The following GRM3 variants were observed in gnomAD, a reference collection of about 807,000 sequenced individuals.
GRM3 encodes metabotropic glutamate receptor 3.
Under a neutral mutation model 70.5 loss-of-function variants are expected in GRM3, and 26 were observed. The ratio of observed to expected loss-of-function variants is 0.37; its 90% CI spans 0.27 to 0.51. GRM3 has a LOEUF of 0.51. Ranked by LOEUF, GRM3 falls within the 20% of genes least tolerant of loss-of-function variation. The probability of loss-of-function intolerance (pLI) is 0.93; values close to 1 mark genes in which losing one functional copy is unlikely to be tolerated. For missense variants in GRM3, 859 were observed against 1,123.8 expected (o/e 0.76, Z 3.37); for synonymous variants, 443 against 434.9 (o/e 1.02, Z -0.23).
At chr7:86,685,795 A>G (rs1439633161) in intron 1 of GRM3, among the ~76,000 whole-genome samples, 2 of 151,410 alleles carry the variant, frequency 1.3e-5, no homozygotes, top group Non-Finnish European at 2.9e-5. Context: ...AGTCCAAGCT[A>G]CTCACAAGGC....
chr7:86,677,121 T>C (rs906511436), intron 1 of GRM3, among the ~76,000 whole-genome samples: 1 of 152,008 alleles, frequency 6.6e-6, no homozygotes, highest in African/African-American at 2.4e-5. Flanking sequence ...TCTATCTACC[T>C]GCTTTATTAT....
intron 1 of GRM3, among the ~76,000 whole-genome samples, chr7:86,691,435 G>T (rs567157970): frequency 6.6e-6 from 1 of 152,210 alleles, no homozygotes; most frequent in East Asian, 1.9e-4. Context: ...TGTCAAAAAT[G>T]TTTAACTCAT....
intron 5 of GRM3, among the ~76,000 whole-genome samples, chr7:86,861,914 C>G (rs914835381): frequency 6.6e-6 from 1 of 152,124 alleles, no homozygotes; most frequent in South Asian, 2.1e-4. Context: ...GCAGCTCTTG[C>G]AATGATCAGG....
intron 1 of GRM3, among the ~76,000 whole-genome samples, chr7:86,646,330 T>C (rs1489797689): frequency 6.6e-6 from 1 of 152,204 alleles, no homozygotes; most frequent in African/African-American, 2.4e-5. Context: ...GGTAGTGTTT[T>C]ATATTTACAA....
At chr7:86,688,281 A>G (rs1252780529) in intron 1 of GRM3, among the ~76,000 whole-genome samples, 2 of 151,782 alleles carry the variant, frequency 1.3e-5, no homozygotes, top group African/African-American at 4.8e-5. Flanking sequence ...GTATGAATAC[A>G]TAGTTAAAAA....
intron 3 of GRM3, among the ~76,000 whole-genome samples, chr7:86,822,361 A>T (rs1273130046): frequency 6.6e-6 from 1 of 152,170 alleles, no homozygotes; most frequent in Non-Finnish European, 1.5e-5. Context: ...TGTGAGAGAA[A>T]GATAGTAAAT....
intron 1 of GRM3, among the ~76,000 whole-genome samples, chr7:86,760,560 G>A (rs1454730414): frequency 6.6e-6 from 1 of 152,102 alleles, no homozygotes; most frequent in African/African-American, 2.4e-5. Context: ...CGGAAAAGAG[G>A]TGGTTGGTGC....
At chr7:86,796,930 A>G (rs1487184726) in intron 3 of GRM3, among the ~76,000 whole-genome samples, 2 of 152,170 alleles carry the variant, frequency 1.3e-5, no homozygotes, top group African/African-American at 4.8e-5. Flanking sequence ...GTTTTATAAA[A>G]GGGCAGATCC....
chr7:86,808,306 G>A (rs1797838097), intron 3 of GRM3, among the ~76,000 whole-genome samples: 1 of 152,090 alleles, frequency 6.6e-6, no homozygotes, highest in Non-Finnish European at 1.5e-5. Flanking sequence ...GATTGGAATA[G>A]TTTCAGAAGA....
At chr7:86,708,586 G>T (rs1795112402) in intron 1 of GRM3, among the ~76,000 whole-genome samples, 1 of 152,076 alleles carries the variant, frequency 6.6e-6, no homozygotes, top group Admixed American at 6.6e-5. Flanking sequence ...TCTGGCAAAG[G>T]ATCAGAGGGG....
At chr7:86,788,246 A>T (rs558213910) in intron 3 of GRM3, among the ~76,000 whole-genome samples, 1 of 152,278 alleles carries the variant, frequency 6.6e-6, no homozygotes, top group Admixed American at 6.5e-5. Context: ...CTCCCTTATA[A>T]GTGGTCACTC....
intron 1 of GRM3, among the ~76,000 whole-genome samples, chr7:86,659,889 G>A (rs1369460016): frequency 6.6e-6 from 1 of 152,026 alleles, no homozygotes; most frequent in Admixed American, 6.6e-5. Context: ...TAAAAGAGAA[G>A]AGGGTGAATT....
intron 1 of GRM3, among the ~76,000 whole-genome samples, chr7:86,654,349 ATTT>A (rs1793680206): frequency 6.6e-6 from 1 of 152,156 alleles, no homozygotes; most frequent in Admixed American, 6.5e-5. Context: ...AATGGTTTGA[ATTT>A]TTTAAGACTC....
chr7:86,825,371 C>T (rs1053100451), intron 3 of GRM3, among the ~76,000 whole-genome samples: 7 of 152,262 alleles, frequency 4.6e-5, no homozygotes, highest in Middle Eastern at 3.4e-3. Context: ...TTCTTAACGA[C>T]GTGTGGATAT....
chr7:86,773,162 C>T (rs558663322), intron 2 of GRM3, among the ~76,000 whole-genome samples: 4 of 152,022 alleles, frequency 2.6e-5, no homozygotes, highest in East Asian at 1.9e-4. Context: ...TACCTTCTCC[C>T]CCTATTAGTT....
intron 3 of GRM3, among the ~76,000 whole-genome samples, chr7:86,801,238 T>C (rs1210468393): frequency 6.6e-6 from 1 of 151,836 alleles, no homozygotes; most frequent in Non-Finnish European, 1.5e-5. Context: ...GCCCAGCAAA[T>C]TTTTGTATTT....
chr7:86,670,301 C>T (rs1794138686), intron 1 of GRM3, among the ~76,000 whole-genome samples: 1 of 152,192 alleles, frequency 6.6e-6, no homozygotes, highest in African/African-American at 2.4e-5. Context: ...TAAACTCAGT[C>T]AGGAATCTTT....
intron 1 of GRM3, among the ~76,000 whole-genome samples, chr7:86,666,717 TAC>T (rs748435341): frequency 6.6e-6 from 1 of 152,068 alleles, no homozygotes; most frequent in Non-Finnish European, 1.5e-5. Context: ...AAGCACATCT[TAC>T]TAAAAAGATA....
intron 3 of GRM3, among the ~76,000 whole-genome samples, chr7:86,824,483 T>C (rs1450000228): frequency 6.6e-6 from 1 of 152,104 alleles, no homozygotes; most frequent in Admixed American, 6.6e-5. Flanking sequence ...CTGAGGGGGG[T>C]AACATATACA....
Sources: allele counts gnomAD v4.1 joint callset (sites outside exome capture counted in the v4.1 genomes callset), GRCh38; gene constraint gnomAD v4.1.1; transcripts MANE v1.5; gene names NCBI Gene and HGNC (gene_info 2026-07-23, HGNC 2026-07-21).